Variants in CHD9 observed in about 807,000 individuals in gnomAD.
CHD9 encodes ATP-dependent chromatin remodeler CHD9.
CHD9 carries 77 observed loss-of-function variants against 316.1 expected under a neutral mutation model. The observed-to-expected ratio is 0.24, with a 90% CI of 0.20 to 0.29. The LOEUF (loss-of-function observed/expected upper bound fraction) is 0.29, where lower values mean the gene tolerates loss of function less well. CHD9 is among the 10% of genes least tolerant of loss of function. The pLI is 1.00. For synonymous variants in CHD9, 1,129 were observed against 1,158.3 expected, an observed-to-expected ratio of 0.97 and a Z score of 0.51; for missense variants, 2,763 against 3,438.1, an observed-to-expected ratio of 0.80 and a Z score of 4.91.
intron 2 of CHD9, among the ~76,000 whole-genome samples, chr16:53,180,603 C>A (rs560024437): frequency 3.2e-4 from 48 of 152,236 alleles, no homozygotes; most frequent in African/African-American, 1.1e-3. Flanking sequence ...TTCTTAAGTG[C>A]ATATCAGCAC....
chr16:53,304,679 T>G, intron 31 of CHD9, 54 bp downstream of exon 31: 2 of 1,328,280 alleles, frequency 1.5e-6, no homozygotes, highest in Non-Finnish European at 9.9e-7. Context: ...TTTTCTTTTC[T>G]TTTCTTTTCT....
intron 11 of CHD9, among the ~76,000 whole-genome samples, chr16:53,235,803 A>C (rs1020116762): frequency 6.6e-6 from 1 of 152,214 alleles, no homozygotes; most frequent in African/African-American, 2.4e-5. Flanking sequence ...CAAGGTTTTC[A>C]AAATGCCTTA....
At chr16:53,143,808 TCTCATTTTTGCTGGGA>T (rs1175796618) in intron 1 of CHD9, among the ~76,000 whole-genome samples, 4 of 152,216 alleles carry the variant, frequency 2.6e-5, no homozygotes, top group African/African-American at 9.7e-5. Flanking sequence ...TCTTTTAGTT[TCTCATTTTTGCTGGGA>T]CTCATGCTGT....
chr16:53,270,453 A>C (rs1157274455), intron 22 of CHD9, among the ~76,000 whole-genome samples: 1 of 152,084 alleles, frequency 6.6e-6, no homozygotes, highest in Non-Finnish European at 1.5e-5. Context: ...ACCTCTGTTA[A>C]ATTAAATTTA....
chr16:53,262,207 T>C (rs1597703765), intron 19 of CHD9, among the ~76,000 whole-genome samples: 1 of 152,292 alleles, frequency 6.6e-6, no homozygotes, highest in Non-Finnish European at 1.5e-5. Flanking sequence ...GTATCTTCAA[T>C]GCTTCTTTCA....
chr16:53,093,629 C>G (rs559493958), intron 1 of CHD9, among the ~76,000 whole-genome samples: 1 of 152,218 alleles, frequency 6.6e-6, no homozygotes, highest in Non-Finnish European at 1.5e-5. Context: ...TAAGCACTTT[C>G]TTCCCCATTG....
chr16:53,287,429 T>C (rs2053971068), intron 26 of CHD9, among the ~76,000 whole-genome samples: 1 of 152,236 alleles, frequency 6.6e-6, no homozygotes, highest in Admixed American at 6.5e-5. Context: ...TAATAATGCA[T>C]TTAAAAGCGA....
At chr16:53,277,623 C>G (rs546457958) in intron 24 of CHD9, among the ~76,000 whole-genome samples, 2 of 151,988 alleles carry the variant, frequency 1.3e-5, no homozygotes, top group East Asian at 1.9e-4. Context: ...TCTATAACAA[C>G]CTATCTATAA....
At chr16:53,303,582 A>G in intron 30 of CHD9, 138 bp from the exon 31 acceptor site, 1 of 546,262 alleles carries the variant, frequency 1.8e-6, no homozygotes, top group Non-Finnish European at 2.8e-6. Context: ...GAAATTCTGG[A>G]AACTATACAG....
intron 1 of CHD9, among the ~76,000 whole-genome samples, chr16:53,140,585 G>A (rs903776977): frequency 2.0e-5 from 3 of 152,094 alleles, no homozygotes; most frequent in East Asian, 1.9e-4. Context: ...ATCATGATTA[G>A]AGATGAGATT....
At chr16:53,170,264 G>C (rs2042604605) in intron 2 of CHD9, among the ~76,000 whole-genome samples, 1 of 151,834 alleles carries the variant, frequency 6.6e-6, no homozygotes, top group South Asian at 2.1e-4. Context: ...AAATCAGTGT[G>C]TTAAAAATCA....
intron 1 of CHD9, among the ~76,000 whole-genome samples, chr16:53,146,889 A>G (rs143488651): frequency 6.7e-4 from 102 of 152,150 alleles, no homozygotes; most frequent in African/African-American, 2.5e-3. Flanking sequence ...CTCAATGTCC[A>G]AATAATCACT....
At chr16:53,232,669 A>G (rs1319033355) in intron 10 of CHD9, among the ~76,000 whole-genome samples, 3 of 152,226 alleles carry the variant, frequency 2.0e-5, no homozygotes, top group African/African-American at 7.2e-5. Flanking sequence ...TGAATCATTA[A>G]TAGTGATTGG....
chr16:53,148,480 T>C (rs1463280861), intron 1 of CHD9, among the ~76,000 whole-genome samples: 1 of 152,204 alleles, frequency 6.6e-6, no homozygotes, highest in Non-Finnish European at 1.5e-5. Context: ...GAGAAATGTA[T>C]GAGGGTTCCA....
chr16:53,309,486 G>A (rs2056276042), intron 34 of CHD9, among the ~76,000 whole-genome samples: 1 of 152,158 alleles, frequency 6.6e-6, no homozygotes, highest in South Asian at 2.1e-4. Flanking sequence ...GCAATTATCA[G>A]ATCTCCCCTA....
chr16:53,124,989 T>TG (rs2038907529), intron 1 of CHD9, among the ~76,000 whole-genome samples: 1 of 152,178 alleles, frequency 6.6e-6, no homozygotes, highest in African/African-American at 2.4e-5. Flanking sequence ...TATCTCATTG[T>TG]GGTTTTGATT....
chr16:53,125,306 C>A (rs1278634793), intron 1 of CHD9, among the ~76,000 whole-genome samples: 1 of 150,418 alleles, frequency 6.6e-6, no homozygotes, highest in Non-Finnish European at 1.5e-5. Flanking sequence ...TCACTGCAAC[C>A]TCCACCTCCT....
At chr16:53,113,204 G>A (rs1001445255) in intron 1 of CHD9, among the ~76,000 whole-genome samples, 3 of 151,842 alleles carry the variant, frequency 2.0e-5, no homozygotes, top group African/African-American at 7.3e-5. Context: ...AATAAAGAAC[G>A]TCAATGTGAG....
rs562886214 is a variant in CHD9 at position 53,325,830 on chromosome 16, T to C, written c.*935T>C. 3 of 152,540 alleles carry C rather than the reference T, an allele frequency of 2.0e-5. No homozygotes were observed. The highest frequency in any genetic ancestry group is 6.5e-5 in the Admixed American group (1 of 15,294). The allele number at this position is 152,540 out of a possible 1,614,324, so 9.4% of individuals were successfully genotyped here. A position where few individuals can be genotyped will look rare whatever the true frequency, so the allele number is the denominator to read the frequency against. On this transcript the variant is annotated 3_prime_UTR_variant, in exon 39 of 39. Transcript: ENST00000447540. Reference sequence around the variant, plus strand: ...ACAGCATACTTCATGTAAAAGAAATTGTTTGTTTGCTTTCTTTGTGTAGAT... The same window carrying C: ...ACAGCATACTTCATGTAAAAGAAATCGTTTGTTTGCTTTCTTTGTGTAGAT...
Sources: gnomAD v4.1 joint callset for allele counts (sites outside exome capture counted in the v4.1 genomes callset) on GRCh38, gnomAD v4.1.1 for gene constraint, MANE v1.5 for transcripts, NCBI Gene and HGNC (gene_info 2026-07-23, HGNC 2026-07-21) for gene names.